The following GJA1 variants were observed in gnomAD, a reference collection of about 807,000 sequenced individuals.
The protein encoded by GJA1 is gap junction alpha-1 protein.
GJA1 carries 9 observed loss-of-function variants against 31.0 expected under a neutral mutation model. The observed-to-expected ratio is 0.29, with a 90% CI of 0.17 to 0.51. GJA1 has a LOEUF of 0.51. Ranked by LOEUF, GJA1 falls within the 20% of genes least tolerant of loss-of-function variation. The probability of loss-of-function intolerance (pLI) is 0.98; values close to 1 mark genes in which losing one functional copy is unlikely to be tolerated. For synonymous variants in GJA1, 186 were observed against 180.1 expected (o/e 1.03, Z -0.26); for missense variants, 278 against 468.8 (o/e 0.59, Z 3.76).
At chr6:121,438,344 A>G (rs1331602333) in intron 1 of GJA1, among the ~76,000 whole-genome samples, 1 of 152,190 alleles carries the variant, frequency 6.6e-6, no homozygotes, top group African/African-American at 2.4e-5. Context: ...TGATACCAAC[A>G]ATGCTGTCAC....
At chr6:121,438,306 C>A (rs1773703886) in intron 1 of GJA1, among the ~76,000 whole-genome samples, 1 of 152,168 alleles carries the variant, frequency 6.6e-6, no homozygotes, top group African/African-American at 2.4e-5. Context: ...CTCAACCCAG[C>A]CACTGAGTTC....
intron 1 of GJA1, among the ~76,000 whole-genome samples, chr6:121,438,927 T>G (rs893914724): frequency 7.9e-5 from 12 of 152,112 alleles, no homozygotes; most frequent in African/African-American, 2.9e-4. Context: ...TTTTAATACA[T>G]CAGTGGCTTA....
intron 1 of GJA1, among the ~76,000 whole-genome samples, chr6:121,439,384 T>C (rs1053357155): frequency 6.6e-6 from 1 of 152,130 alleles, no homozygotes; most frequent in African/African-American, 2.4e-5. Flanking sequence ...CTTTATATGA[T>C]TATAAAATAA....
chr6:121,447,945 A>G lies in GJA1; in HGVS notation c.1098A>G (p.Arg366=), dbSNP rs372862876. Residue 366 remains arginine, a synonymous_variant, in exon 2 of 2, where the codon AGA becomes AGG. Transcript: ENST00000282561. The stretch of plus-strand genomic sequence containing the variant: ...TTGTGGACCAGCGACCTTCAAGCAG[A>G]GCCAGCAGTCGTGCCAGCAGCAGAC... The part of the protein sequence containing the change: ...LAIVDQRPSS[R]ASSRASSRPR... 160 of 1,613,794 alleles carry G rather than the reference A, an allele frequency of 9.9e-5. No homozygotes were observed. Among genetic ancestry groups the G allele is most frequent in the Non-Finnish European group, 1.3e-4 (157 of 1,179,878 alleles).
intron 1 of GJA1, among the ~76,000 whole-genome samples, chr6:121,440,641 C>CG (rs920643576): frequency 2.1e-5 from 3 of 142,704 alleles, no homozygotes; most frequent in Non-Finnish European, 4.5e-5. Flanking sequence ...CAGAAAAAAA[C>CG]AAACTTTTTT....
At chr6:121,438,293 G>T (rs11759917) in intron 1 of GJA1, among the ~76,000 whole-genome samples, 34,351 of 152,060 alleles carry the variant, frequency 0.23, 4,113 homozygotes, top group Non-Finnish European at 0.26. Context: ...CCTTCTGAGG[G>T]TTCTCAACCC....
At chr6:121,443,379 T>C (rs1482321292) in intron 1 of GJA1, among the ~76,000 whole-genome samples, 1 of 152,172 alleles carries the variant, frequency 6.6e-6, no homozygotes. Flanking sequence ...CGGTGTCCAA[T>C]TCGATAATTC....
intron 1 of GJA1, among the ~76,000 whole-genome samples, chr6:121,444,475 G>A (rs749005893): frequency 2.6e-5 from 4 of 151,952 alleles, no homozygotes; most frequent in South Asian, 2.1e-4. Flanking sequence ...TTCTTTGTTC[G>A]GTCCAGGAAA....
rs905856269 is a variant in GJA1, at chr6:121,436,225, T to A, written c.-17+393T>A. Among the ~76,000 whole-genome samples, 6 of 149,018 alleles carry A rather than the reference T, an allele frequency of 4.0e-5. No individual in the cohort carries two copies. In the Admixed American group the frequency reaches 4.1e-4, roughly 10 times the overall value. Reference sequence around the variant, plus strand: ...AGGCGCCTGGGTTGGGGGATTTGACTGACTACATCGGAAAAATCAAAGTGC... The same window carrying A: ...AGGCGCCTGGGTTGGGGGATTTGACAGACTACATCGGAAAAATCAAAGTGC... On this transcript the variant is annotated intron_variant, in intron 1 of 1. Coordinates refer to ENST00000282561, the MANE Select transcript of GJA1 (RefSeq NM_000165.5).
chr6:121,437,797 G>T (rs748623829), intron 1 of GJA1, among the ~76,000 whole-genome samples: 1 of 152,286 alleles, frequency 6.6e-6, no homozygotes, highest in South Asian at 2.1e-4. Context: ...TTTGGAAGAC[G>T]GTTGAATTTC....
At chr6:121,441,490 G>A (rs1403341902) in intron 1 of GJA1, among the ~76,000 whole-genome samples, 20 of 152,112 alleles carry the variant, frequency 1.3e-4, no homozygotes, top group Admixed American at 1.3e-3. Flanking sequence ...ATGGAAGGAG[G>A]TACATAGTAA....
At chr6:121,442,545 C>G (rs1336929168) in intron 1 of GJA1, among the ~76,000 whole-genome samples, 1 of 152,164 alleles carries the variant, frequency 6.6e-6, no homozygotes. Flanking sequence ...TAGACTGTTC[C>G]TTCTGCTTTC....
Position 121,445,092 on chromosome 6 carries a change from A to G in GJA1, c.-16-1740A>G, listed in dbSNP as rs1462693368. Among the ~76,000 whole-genome samples the G allele has an allele frequency of 3.9e-5, 6 of 152,364 alleles. No homozygotes were observed. The East Asian group carries it at 9.6e-4, about 24-fold the overall frequency. On this transcript the variant is annotated intron_variant, in intron 1 of 1. Transcript: ENST00000282561. ...TCAATTTTTATCAGCTAAATGGATA[A>G]TCGGCAATTAGAAGCATAAATTGAA...
intron 1 of GJA1, among the ~76,000 whole-genome samples, chr6:121,440,343 G>A (rs983085350): frequency 1.3e-5 from 2 of 152,106 alleles, no homozygotes; most frequent in African/African-American, 4.8e-5. Flanking sequence ...AATTCAGGAA[G>A]CTCTTTGTTA....
chr6:121,442,149 C>A (rs1562172476), intron 1 of GJA1, among the ~76,000 whole-genome samples: 1 of 152,172 alleles, frequency 6.6e-6, no homozygotes, highest in Non-Finnish European at 1.5e-5. Context: ...TGCTGGATAT[C>A]AAATTTCACT....
chr6:121,445,504 A>ATAT (rs1773871988), intron 1 of GJA1, among the ~76,000 whole-genome samples: 1 of 152,212 alleles, frequency 6.6e-6, no homozygotes, highest in South Asian at 2.1e-4. Context: ...AGATAGCTAG[A>ATAT]TATTGATAAG....
At position 121,447,606 on chromosome 6, in the gene GJA1, G is replaced by A. The variant is rs767327649; in HGVS notation, c.759G>A (p.Ala253=). Residue 253 remains alanine, a synonymous_variant, in exon 2 of 2, where the codon GCG becomes GCA. Transcript: ENST00000282561. ...ACCCTTACCATGCGACCAGTGGTGCGCTGAGCCCTGCCAAAGACTGTGGGT... is the reference window on the plus strand; with the variant it reads ...ACCCTTACCATGCGACCAGTGGTGCACTGAGCCCTGCCAAAGACTGTGGGT... The part of the protein sequence containing the change: ...KSDPYHATSG[A]LSPAKDCGSQ... 1.2e-6 allele frequency: 2 copies of A among 1,613,876 alleles called. No homozygotes were observed. The highest frequency in any genetic ancestry group is 1.7e-6 in the Non-Finnish European group (2 of 1,179,948).
At chr6:121,443,382 G>A (rs575716211) in intron 1 of GJA1, among the ~76,000 whole-genome samples, 2 of 152,232 alleles carry the variant, frequency 1.3e-5, no homozygotes, top group Non-Finnish European at 1.5e-5. Flanking sequence ...TGTCCAATTC[G>A]ATAATTCGTA....
At chr6:121,436,132 TTTTG>T (rs1773657037) in intron 1 of GJA1, among the ~76,000 whole-genome samples, 1 of 144,290 alleles carries the variant, frequency 6.9e-6, no homozygotes, top group Non-Finnish European at 1.5e-5. Flanking sequence ...TATCATTTTA[TTTTG>T]TTTTTTTTTT....
Sources: allele counts gnomAD v4.1 joint callset (sites outside exome capture counted in the v4.1 genomes callset), GRCh38; gene constraint gnomAD v4.1.1; transcripts MANE v1.5; gene names NCBI Gene and HGNC (gene_info 2026-07-23, HGNC 2026-07-21).